MAN2A1: variants seen among roughly 807,000 people sequenced by gnomAD.
MAN2A1 encodes alpha-mannosidase 2.
A neutral mutation model predicts 142.6 loss-of-function variants in MAN2A1; 76 were observed. That is an observed-to-expected ratio of 0.53 (90% CI 0.44 to 0.65). The LOEUF (loss-of-function observed/expected upper bound fraction) is 0.65, where lower values mean the gene tolerates loss of function less well. Ranked by LOEUF, MAN2A1 falls within the 30% of genes least tolerant of loss-of-function variation. The pLI, the probability that MAN2A1 is intolerant of heterozygous loss-of-function variation, is 0.00. For synonymous variants in MAN2A1, 559 were observed against 473.2 expected, an observed-to-expected ratio of 1.18 and a Z score of -2.35; for missense variants, 1,311 against 1,365.1, an observed-to-expected ratio of 0.96 and a Z score of 0.62.
At chr5:109,842,486 A>G in intron 17 of MAN2A1, 25 bp downstream of exon 17, 1 of 1,482,184 alleles carries the variant, frequency 6.7e-7, no homozygotes, top group Non-Finnish European at 9.2e-7. Flanking sequence ...AAAATGTTTA[A>G]GTAATGGTTG....
At chr5:109,820,419 C>A in intron 15 of MAN2A1, 77 bp downstream of exon 15, 1 of 1,358,092 alleles carries the variant, frequency 7.4e-7, no homozygotes, top group South Asian at 1.4e-5. Flanking sequence ...AAGTGAGTGT[C>A]ATTATTTTAT....
intron 12 of MAN2A1, among the ~76,000 whole-genome samples, chr5:109,809,589 C>G (rs1340396056): frequency 6.6e-6 from 1 of 151,964 alleles, no homozygotes; most frequent in Admixed American, 6.6e-5. Context: ...TCCTGGCTTT[C>G]TTAATTATTT....
At chr5:109,783,888 C>CAA (rs1181912958) in intron 9 of MAN2A1, among the ~76,000 whole-genome samples, 1 of 151,664 alleles carries the variant, frequency 6.6e-6, no homozygotes, top group East Asian at 1.9e-4. Context: ...TTTTAAGAGA[C>CAA]AGAGTCTTGC....
chr5:109,756,442 C>T (rs961787812), intron 5 of MAN2A1, among the ~76,000 whole-genome samples: 2 of 151,792 alleles, frequency 1.3e-5, no homozygotes, highest in Admixed American at 1.3e-4. Context: ...TTAGATATTT[C>T]CTTATTTTAA....
At chr5:109,755,295 T>C in intron 4 of MAN2A1, 34 bp from the exon 5 acceptor site, 1 of 1,539,524 alleles carries the variant, frequency 6.5e-7, no homozygotes. Context: ...TTCTTAACAT[T>C]TATTAATGTA....
intron 16 of MAN2A1, among the ~76,000 whole-genome samples, chr5:109,840,870 G>A (rs1755185703): frequency 6.6e-6 from 1 of 151,648 alleles, no homozygotes; most frequent in African/African-American, 2.4e-5. Flanking sequence ...CAATCATGGG[G>A]CCTGCATTTA....
At chr5:109,751,309 G>T (rs745476305) in intron 4 of MAN2A1, among the ~76,000 whole-genome samples, 11 of 151,742 alleles carry the variant, frequency 7.2e-5, no homozygotes, top group Non-Finnish European at 1.3e-4. Context: ...TTTCATTCAT[G>T]TTGCTACAAA....
intron 4 of MAN2A1, among the ~76,000 whole-genome samples, chr5:109,732,188 T>C (rs371915018): frequency 3.5e-3 from 525 of 150,470 alleles, no homozygotes; most frequent in African/African-American, 0.012. Context: ...TCATGTCCTT[T>C]GCCCACTTTT....
intron 16 of MAN2A1, among the ~76,000 whole-genome samples, chr5:109,832,161 C>CTTTTTTTTTTTTT (rs70999945): frequency 5.7e-4 from 29 of 51,198 alleles, no homozygotes; most frequent in African/African-American, 9.0e-4. Flanking sequence ...AAGGAGTTTT[C>CTTTTTTTTTTTTT]TTTTTTTTTT....
At chr5:109,810,626 C>G (rs1031566027) in intron 12 of MAN2A1, among the ~76,000 whole-genome samples, 5 of 152,150 alleles carry the variant, frequency 3.3e-5, no homozygotes, top group Non-Finnish European at 1.5e-5. Flanking sequence ...TCTTTGTTCC[C>G]CAGTGATTTC....
intron 12 of MAN2A1, among the ~76,000 whole-genome samples, chr5:109,795,984 T>C (rs1050989887): frequency 2.6e-5 from 4 of 152,198 alleles, no homozygotes; most frequent in Non-Finnish European, 4.4e-5. Context: ...CTCCAGTCTT[T>C]CAGTTGTGTG....
chr5:109,730,346 C>T (rs1751868720), intron 4 of MAN2A1, among the ~76,000 whole-genome samples: 1 of 151,968 alleles, frequency 6.6e-6, no homozygotes, highest in African/African-American at 2.4e-5. Context: ...TACTCCTTAA[C>T]TCATATTTTT....
intron 4 of MAN2A1, among the ~76,000 whole-genome samples, chr5:109,730,512 T>A (rs1474399434): frequency 4.0e-5 from 6 of 151,764 alleles, no homozygotes; most frequent in Non-Finnish European, 8.8e-5. Flanking sequence ...ATAGTGCTTT[T>A]TTTCTTCCTA....
chr5:109,744,742 T>C (rs1752353927), intron 4 of MAN2A1, among the ~76,000 whole-genome samples: 1 of 152,088 alleles, frequency 6.6e-6, no homozygotes, highest in Non-Finnish European at 1.5e-5. Flanking sequence ...CCATGTGATC[T>C]GGGGGCTCCA....
At chr5:109,859,979 T>A (rs996824598) in intron 20 of MAN2A1, among the ~76,000 whole-genome samples, 2 of 151,976 alleles carry the variant, frequency 1.3e-5, no homozygotes, top group Non-Finnish European at 2.9e-5. Flanking sequence ...CTCTATGTAA[T>A]TTATTTTGAT....
At chr5:109,800,210 A>T (rs1187773566) in intron 12 of MAN2A1, among the ~76,000 whole-genome samples, 1 of 152,126 alleles carries the variant, frequency 6.6e-6, no homozygotes, top group Non-Finnish European at 1.5e-5. Flanking sequence ...TGTCTTTTAG[A>T]ACTCAGCTTA....
chr5:109,706,349 A>G (rs1479642009), intron 1 of MAN2A1, among the ~76,000 whole-genome samples: 2 of 152,210 alleles, frequency 1.3e-5, no homozygotes, highest in Non-Finnish European at 2.9e-5. Context: ...TGATTTTTCA[A>G]AAGCCATACT....
At chr5:109,738,456 T>C (rs1340985389) in intron 4 of MAN2A1, among the ~76,000 whole-genome samples, 3 of 152,100 alleles carry the variant, frequency 2.0e-5, no homozygotes, top group Non-Finnish European at 4.4e-5. Context: ...CTACCACTCT[T>C]TTGTTGTTCG....
chr5:109,821,676 A>C (rs1754626811), intron 15 of MAN2A1, among the ~76,000 whole-genome samples: 1 of 152,052 alleles, frequency 6.6e-6, no homozygotes, highest in Admixed American at 6.5e-5. Context: ...GTAAGGTTGA[A>C]CGTTTTTGTA....
Sources: allele counts gnomAD v4.1 joint callset (sites outside exome capture counted in the v4.1 genomes callset), GRCh38; gene constraint gnomAD v4.1.1; transcripts MANE v1.5; gene names NCBI Gene and HGNC (gene_info 2026-07-23, HGNC 2026-07-21).